SESN2: variants seen among roughly 807,000 people sequenced by gnomAD.
SESN2 encodes sestrin-2.
SESN2 carries 42 observed loss-of-function variants against 56.0 expected under a neutral mutation model. That is an observed-to-expected ratio of 0.75 (90% CI 0.59 to 0.97). The LOEUF (loss-of-function observed/expected upper bound fraction) is 0.97. Ranked by LOEUF, SESN2 falls within the 50% of genes least tolerant of loss-of-function variation. The pLI is 0.00. For synonymous variants in SESN2, 264 were observed against 267.1 expected (o/e 0.99, Z 0.11); for missense variants, 507 against 649.4 (o/e 0.78, Z 2.38).
chr1:28,272,734 C>T lies in SESN2; in HGVS notation c.691C>T (p.Pro231Ser), dbSNP rs750964392. The T allele has an allele frequency of 1.8e-5, 29 of 1,612,386 alleles. No homozygotes were observed. The highest frequency in any genetic ancestry group is 3.3e-4 in the Middle Eastern group (2 of 6,056). Residue 231 changes from proline (P) to serine (S), a missense_variant, in exon 5 of 10, where the codon CCT (proline) becomes TCT (serine). By Grantham distance (74) the Pro-to-Ser change is moderately conservative. Coordinates refer to ENST00000253063, the MANE Select transcript of SESN2 (RefSeq NM_031459.5). Reference sequence around the variant, plus strand: ...AGATGGCAGCCCTGCCCCCCAGGCACCTACACCCCCTAGTGAACAGAGCAG... The same window carrying T: ...AGATGGCAGCCCTGCCCCCCAGGCATCTACACCCCCTAGTGAACAGAGCAG... ...DADGSPAPQA[P>S]TPPSEQSSPP...
At chr1:28,260,390 C>T (rs1160774540) in intron 1 of SESN2, among the ~76,000 whole-genome samples, 1 of 152,130 alleles carries the variant, frequency 6.6e-6, no homozygotes, top group Non-Finnish European at 1.5e-5. Flanking sequence ...GGCAGAGGAC[C>T]CTTCCTGGGG....
chr1:28,265,080 T>C (rs538521560), intron 1 of SESN2, among the ~76,000 whole-genome samples: 22 of 152,092 alleles, frequency 1.4e-4, no homozygotes, highest in African/African-American at 5.3e-4. Context: ...ATCTGTAAAA[T>C]GGAAGCCCTA....
chr1:28,270,178 C>T (rs529234826), intron 2 of SESN2, among the ~76,000 whole-genome samples: 9 of 152,122 alleles, frequency 5.9e-5, no homozygotes, highest in African/African-American at 1.4e-4. Flanking sequence ...GGTGAAGCAC[C>T]GTCTCTACTA....
intron 1 of SESN2, among the ~76,000 whole-genome samples, chr1:28,266,005 T>A (rs1361135468): frequency 6.6e-6 from 1 of 152,250 alleles, no homozygotes; most frequent in Non-Finnish European, 1.5e-5. Context: ...ATCCTGTTTA[T>A]CAGATTCTGA....
At chr1:28,274,777 C>A in intron 7 of SESN2, 48 bp from the exon 8 acceptor site, 1 of 1,452,696 alleles carries the variant, frequency 6.9e-7, no homozygotes, top group Non-Finnish European at 9.5e-7. Context: ...GTCTCTCTGG[C>A]TGGTCTTGGG....
At position 28,269,172 on chromosome 1, in the gene SESN2, T is replaced by C; in HGVS notation, c.91-11T>C. The C allele has an allele frequency of 6.2e-7, 1 of 1,608,224 alleles. No homozygotes were observed. The highest frequency in any genetic ancestry group is 8.5e-7 in the Non-Finnish European group (1 of 1,175,648). Reference sequence around the variant, plus strand: ...TTCTACTACGGACTAACCTCATATGTTTCCTCCCAGGAGCAGAGGGAGAGC... The same window carrying C: ...TTCTACTACGGACTAACCTCATATGCTTCCTCCCAGGAGCAGAGGGAGAGC... On this transcript the variant is annotated splice_polypyrimidine_tract_variant and intron_variant, in intron 1 of 9. Transcript: ENST00000253063.
intron 1 of SESN2, 64 bp from the exon 2 acceptor site, chr1:28,269,119 G>T: frequency 8.4e-7 from 1 of 1,195,348 alleles, no homozygotes; most frequent in East Asian, 2.5e-5. Context: ...GAAGAGGCTG[G>T]ATAGGTAATA....
intron 1 of SESN2, among the ~76,000 whole-genome samples, chr1:28,267,922 G>A (rs1399845976): frequency 3.9e-5 from 6 of 152,146 alleles, no homozygotes; most frequent in Non-Finnish European, 8.8e-5. Flanking sequence ...AAACAAAACA[G>A]ACAATTTGAT....
chr1:28,260,735 C>T (rs1647347526), intron 1 of SESN2, among the ~76,000 whole-genome samples: 1 of 150,686 alleles, frequency 6.6e-6, no homozygotes, highest in African/African-American at 2.4e-5. Flanking sequence ...CCCGGCATAG[C>T]CCGCAGGGGC....
At chr1:28,268,984 G>A (rs528286112) in intron 1 of SESN2, among the ~76,000 whole-genome samples, 199 bp from the exon 2 acceptor site, 17 of 152,230 alleles carry the variant, frequency 1.1e-4, no homozygotes, top group Non-Finnish European at 2.1e-4. Context: ...GAAGAACTCA[G>A]CCTGGAGTGA....
intron 6 of SESN2, 113 bp downstream of exon 6, chr1:28,273,621 A>G (rs1647881045): frequency 9.2e-7 from 1 of 1,081,648 alleles, no homozygotes; most frequent in Non-Finnish European, 1.3e-6. Flanking sequence ...CCTCCCGTCC[A>G]AGAGGTTCTG....
At position 28,270,820 on chromosome 1, in the gene SESN2, C is replaced by G. The variant is rs148554593; in HGVS notation, c.157-854C>G. 2.1e-3 allele frequency among the ~76,000 whole-genome samples: 327 copies of G among 152,298 alleles called. 1 individual carries two copies. Among genetic ancestry groups the G allele is most frequent in the African/African-American group, 7.5e-3 (310 of 41,568 alleles). On this transcript the variant is annotated intron_variant, in intron 2 of 9. Transcript: ENST00000253063. ...CGGACCTTAGGTGATCTGCCCATCT[C>G]TGCCTCCCAATGTGCTGGGATTACA...
At position 28,272,795 on chromosome 1, in the gene SESN2, T is replaced by C. The variant is rs775322359; in HGVS notation, c.750+2T>C. ...AGGGACCCGTTGAACAACTCTGGGGTAAGTCACGGGCCTGGGTCTTGATCG... is the reference window on the plus strand; with the variant it reads ...AGGGACCCGTTGAACAACTCTGGGGCAAGTCACGGGCCTGGGTCTTGATCG... On this transcript the variant is annotated splice_donor_variant, in intron 5 of 9. Transcript: ENST00000253063. LOFTEE classifies it high-confidence loss of function. The C allele has an allele frequency of 1.3e-6, 2 of 1,570,682 alleles. No individual in the cohort carries two copies. The highest frequency in any genetic ancestry group is 1.2e-5 in the South Asian group (1 of 86,714).
In SESN2 at chr1:28,271,584, G is replaced by A; in HGVS notation, c.157-90G>A. The A allele has an allele frequency of 5.2e-6, 5 of 963,814 alleles. No homozygotes were observed. In the South Asian group the frequency reaches 5.6e-5, roughly 11 times the overall value. The allele number at this position is 963,814 out of a possible 1,614,324, so 59.7% of individuals were successfully genotyped here. ...ACACGGTGGTGGTTTTTAGTTTCTT[G>A]CCATTAAAAACCCACTGGAAGAATA... On this transcript the variant is annotated intron_variant, in intron 2 of 9. Transcript: ENST00000253063.
At chr1:28,277,779 A>G (rs1244116757) in intron 8 of SESN2, among the ~76,000 whole-genome samples, 2 of 152,192 alleles carry the variant, frequency 1.3e-5, no homozygotes, top group Admixed American at 6.5e-5. Context: ...GCTGTAAATC[A>G]TATTTCACTG....
intron 1 of SESN2, among the ~76,000 whole-genome samples, chr1:28,268,558 G>A (rs1439661503): frequency 3.3e-5 from 5 of 151,916 alleles, no homozygotes; most frequent in South Asian, 2.1e-4. Flanking sequence ...CCAGCTACTC[G>A]GGAGGCTGAG....
chr1:28,262,744 C>T (rs1386952245), intron 1 of SESN2, among the ~76,000 whole-genome samples: 5 of 151,568 alleles, frequency 3.3e-5, no homozygotes, highest in African/African-American at 7.3e-5. Context: ...CTGGCTAATA[C>T]GGTGAAACCC....
chr1:28,263,225 C>A (rs530074568), intron 1 of SESN2, among the ~76,000 whole-genome samples: 2 of 152,282 alleles, frequency 1.3e-5, no homozygotes, highest in Non-Finnish European at 2.9e-5. Context: ...TGGAAGAGGA[C>A]CTTTCTGAGC....
chr1:28,265,593 C>G (rs1451260720), intron 1 of SESN2, among the ~76,000 whole-genome samples: 3 of 152,092 alleles, frequency 2.0e-5, no homozygotes, highest in Non-Finnish European at 2.9e-5. Flanking sequence ...CGGGGTTTCT[C>G]CATGTTGGTC....
Sources: allele counts gnomAD v4.1 joint callset (sites outside exome capture counted in the v4.1 genomes callset), GRCh38; gene constraint gnomAD v4.1.1; transcripts MANE v1.5; gene names NCBI Gene and HGNC (gene_info 2026-07-23, HGNC 2026-07-21).